The following PID1 variants were observed in gnomAD, a reference collection of about 807,000 sequenced individuals.
The protein encoded by PID1 is PTB-containing, cubilin and LRP1-interacting protein.
A neutral mutation model predicts 19.1 loss-of-function variants in PID1; 10 were observed. The ratio of observed to expected loss-of-function variants is 0.52; its 90% CI spans 0.32 to 0.89. The LOEUF is 0.89. Among genes scored for constraint, PID1 ranks in the 40% least tolerant of loss-of-function variants. The pLI, the probability that PID1 is intolerant of heterozygous loss-of-function variation, is 0.03. For synonymous variants in PID1, 130 were observed against 116.0 expected (o/e 1.12, Z -0.78); for missense variants, 248 against 285.3 (o/e 0.87, Z 0.94).
chr2:229,235,803 A>G (rs573889401), intron 1 of PID1, among the ~76,000 whole-genome samples: 7 of 152,300 alleles, frequency 4.6e-5, no homozygotes, highest in Non-Finnish European at 8.8e-5. Flanking sequence ...AAGCAAGAAG[A>G]AACGCCAGCC....
intron 1 of PID1, among the ~76,000 whole-genome samples, chr2:229,193,181 G>C (rs1460307976): frequency 6.6e-6 from 1 of 152,202 alleles, no homozygotes; most frequent in Non-Finnish European, 1.5e-5. Context: ...GTGATATTCA[G>C]CTGGTGGACA....
At chr2:229,078,329 C>A (rs1356289188) in intron 2 of PID1, among the ~76,000 whole-genome samples, 1 of 152,186 alleles carries the variant, frequency 6.6e-6, no homozygotes, top group East Asian at 1.9e-4. Context: ...AATATACAAT[C>A]ATGTCATCTG....
chr2:229,226,125 T>G (rs939968042), intron 1 of PID1, among the ~76,000 whole-genome samples: 1 of 152,232 alleles, frequency 6.6e-6, no homozygotes, highest in Non-Finnish European at 1.5e-5. Context: ...TCTTTGAGTA[T>G]GCCATCTGTT....
chr2:229,063,233 T>G (rs1694252216), intron 2 of PID1, among the ~76,000 whole-genome samples: 1 of 152,086 alleles, frequency 6.6e-6, no homozygotes, highest in Admixed American at 6.6e-5. Flanking sequence ...TTGAGATCAT[T>G]TTTCTTTTTT....
At chr2:229,145,031 G>C (rs1202705065) in intron 2 of PID1, among the ~76,000 whole-genome samples, 1 of 151,384 alleles carries the variant, frequency 6.6e-6, no homozygotes, top group African/African-American at 2.4e-5. Context: ...ACTACTCTTG[G>C]AGTAGCAGGT....
intron 1 of PID1, among the ~76,000 whole-genome samples, chr2:229,191,384 G>C (rs985043884): frequency 6.6e-6 from 1 of 152,108 alleles, no homozygotes; most frequent in African/African-American, 2.4e-5. Flanking sequence ...CCTCTCTCAA[G>C]AGAAAGGAAT....
At chr2:229,031,214 T>TAAAAAAAAAAAA (rs1274567780) in intron 2 of PID1, among the ~76,000 whole-genome samples, 668 of 24,840 alleles carry the variant, frequency 0.027, 19 homozygotes, top group African/African-American at 0.12. Flanking sequence ...AGACTCTGTC[T>TAAAAAAAAAAAA]CAAAAAAAAA....
intron 2 of PID1, among the ~76,000 whole-genome samples, chr2:229,046,190 A>G (rs1185175057): frequency 6.6e-6 from 1 of 152,186 alleles, no homozygotes; most frequent in African/African-American, 2.4e-5. Flanking sequence ...AAAAAAATAA[A>G]CAAGATGAAA....
chr2:229,114,034 G>A lies in PID1; in HGVS notation c.177+41784C>T, dbSNP rs184351694. On this transcript the variant is annotated intron_variant, in intron 2 of 2. Coordinates refer to ENST00000392055, the MANE Select transcript of PID1 (RefSeq NM_001100818.2). ...ACGTCCCTGGAAGAAGAAGTAATGC[G>A]TCAACATTACCTCTTCCCTGGGTCT... is the stretch of plus-strand genomic sequence containing the variant. Among the ~76,000 whole-genome samples, 45 of 152,152 alleles carry A rather than the reference G, an allele frequency of 3.0e-4. No homozygotes were observed. The East Asian group carries it at 7.2e-3, about 24-fold the overall frequency.
At chr2:229,234,028 T>C (rs1056403890) in intron 1 of PID1, among the ~76,000 whole-genome samples, 2 of 152,154 alleles carry the variant, frequency 1.3e-5, no homozygotes, top group African/African-American at 4.8e-5. Context: ...CTGATAAATG[T>C]GTTGAACACC....
At chr2:229,156,023 A>AATT in intron 1 of PID1, 59 bp from the exon 2 acceptor site, 1 of 1,505,774 alleles carries the variant, frequency 6.6e-7, no homozygotes. Flanking sequence ...TATGTCCTGC[A>AATT]ATTGTACATT....
Position 229,181,383 on chromosome 2 carries a change from G to GAA in PID1, c.31-25421_31-25420dup, listed in dbSNP as rs796498505. Reference sequence around the variant, plus strand: ...AGGTGAACAGCAGAAGTTGATGCTGGAAAAAAAAAAAAGATATAGCTCAGG... The same window carrying GAA: ...AGGTGAACAGCAGAAGTTGATGCTGGAAAAAAAAAAAAAAGATATAGCTCAGG... On this transcript the variant is annotated intron_variant, in intron 1 of 2. Transcript: ENST00000392055. Among the ~76,000 whole-genome samples, 954 of 142,914 alleles carry GAA rather than the reference G, an allele frequency of 6.7e-3. 11 individuals are homozygous for GAA. Among genetic ancestry groups the GAA allele is most frequent in the Middle Eastern group, 0.032 (9 of 278 alleles). 93.8% of individuals were successfully genotyped at this position (142,914 alleles called of 152,430 possible). A position where few individuals can be genotyped will look rare whatever the true frequency, so the allele number is the denominator to read the frequency against.
At chr2:229,254,884 T>C (rs954409382) in intron 1 of PID1, among the ~76,000 whole-genome samples, 3 of 152,198 alleles carry the variant, frequency 2.0e-5, no homozygotes, top group African/African-American at 4.8e-5. Flanking sequence ...GGCAGCACCA[T>C]CCCTTTCATT....
chr2:229,069,143 T>TTTTTTTTTTGTGTGTGTG (rs369977117), intron 2 of PID1, among the ~76,000 whole-genome samples: 1 of 140,630 alleles, frequency 7.1e-6, no homozygotes, highest in African/African-American at 2.7e-5. Context: ...AGAAGGGTTT[T>TTTTTTTTTTGTGTGTGTG]TGTGTGTGTG....
intron 1 of PID1, among the ~76,000 whole-genome samples, chr2:229,194,949 G>C (rs1291703071): frequency 2.0e-5 from 3 of 151,630 alleles, no homozygotes; most frequent in Non-Finnish European, 2.9e-5. Flanking sequence ...GTAAGCAAAT[G>C]ATTACTACGA....
intron 2 of PID1, among the ~76,000 whole-genome samples, chr2:229,073,040 T>A (rs1336763902): frequency 6.6e-6 from 1 of 152,222 alleles, no homozygotes; most frequent in East Asian, 1.9e-4. Context: ...TTATTTATTT[T>A]TTTGAGACGG....
At chr2:229,056,947 C>T (rs1473818961) in intron 2 of PID1, among the ~76,000 whole-genome samples, 2 of 152,060 alleles carry the variant, frequency 1.3e-5, no homozygotes, top group African/African-American at 4.8e-5. Flanking sequence ...AAAGGATTGT[C>T]GGCTTTACCT....
chr2:229,224,867 C>T (rs982727562), intron 1 of PID1, among the ~76,000 whole-genome samples: 8 of 151,764 alleles, frequency 5.3e-5, no homozygotes, highest in Non-Finnish European at 1.2e-4. Flanking sequence ...CAAATGCCAG[C>T]CCTGAGATAC....
At chr2:229,108,822 G>A (rs1475381494) in intron 2 of PID1, among the ~76,000 whole-genome samples, 1 of 152,132 alleles carries the variant, frequency 6.6e-6, no homozygotes, top group East Asian at 1.9e-4. Flanking sequence ...TGCTACTGCT[G>A]CTGAGAAGAA....
Sources: gnomAD v4.1 joint callset for allele counts (sites outside exome capture counted in the v4.1 genomes callset) on GRCh38, gnomAD v4.1.1 for gene constraint, MANE v1.5 for transcripts, NCBI Gene and HGNC (gene_info 2026-07-23, HGNC 2026-07-21) for gene names.